TNIK: variants seen among roughly 807,000 people sequenced by gnomAD.
TNIK encodes the protein TRAF2 and NCK interacting kinase, also known as TRAF2 and NCK-interacting protein kinase.
In TNIK, 49 loss-of-function variants were observed where a neutral mutation model predicts 191.3. The observed-to-expected ratio is 0.26, with a 90% CI of 0.20 to 0.32. TNIK has a LOEUF of 0.32. TNIK is among the 10% of genes least tolerant of loss of function. The probability of loss-of-function intolerance (pLI) is 1.00; values close to 1 mark genes in which losing one functional copy is unlikely to be tolerated. For missense variants in TNIK, 1,155 were observed against 1,702.3 expected (o/e 0.68, Z 5.66); for synonymous variants, 594 against 600.9 (o/e 0.99, Z 0.17).
intron 1 of TNIK, among the ~76,000 whole-genome samples, chr3:171,382,365 C>T (rs1190359736): frequency 1.3e-5 from 2 of 151,946 alleles, no homozygotes; most frequent in South Asian, 2.1e-4. Context: ...AGATTACAGG[C>T]GTATGCCACC....
At chr3:171,149,166 C>T (rs2108673030) in intron 12 of TNIK, among the ~76,000 whole-genome samples, 1 of 152,296 alleles carries the variant, frequency 6.6e-6, no homozygotes, top group Admixed American at 6.5e-5. Flanking sequence ...ACTGTGAACA[C>T]ACAAAACATA....
intron 2 of TNIK, among the ~76,000 whole-genome samples, chr3:171,245,464 C>T (rs1346348370): frequency 6.6e-6 from 1 of 151,602 alleles, no homozygotes; most frequent in Non-Finnish European, 1.5e-5. Context: ...AACATTTAAA[C>T]CATAAATTTT....
At chr3:171,209,244 G>A (rs536132370) in intron 4 of TNIK, among the ~76,000 whole-genome samples, 1 of 152,000 alleles carries the variant, frequency 6.6e-6, no homozygotes, top group South Asian at 2.1e-4. Flanking sequence ...GATTTCTATT[G>A]TTAGTAAGAA....
chr3:171,256,970 C>G (rs1310090825), intron 2 of TNIK, among the ~76,000 whole-genome samples: 8 of 152,168 alleles, frequency 5.3e-5, no homozygotes, highest in Admixed American at 4.6e-4. Flanking sequence ...TTCCCTAGGT[C>G]TGAACATCCT....
At chr3:171,375,350 A>T (rs1717067173) in intron 1 of TNIK, among the ~76,000 whole-genome samples, 1 of 152,236 alleles carries the variant, frequency 6.6e-6, no homozygotes, top group Non-Finnish European at 1.5e-5. Flanking sequence ...CAATAAAACT[A>T]ATCTGGCCAG....
rs73046881 is a variant in TNIK at position 171,376,592 on chromosome 3, A to C, written c.58-6907T>G. ...TTAGATCATCATAACGACAAGCAGC[A>C]TATGAGAAAAGGTGCTCCAAGAGTA... is the stretch of plus-strand genomic sequence containing the variant. On this transcript the variant is annotated intron_variant, in intron 1 of 32. Coordinates refer to ENST00000436636, the MANE Select transcript of TNIK (RefSeq NM_015028.4). Among the ~76,000 whole-genome samples the C allele has an allele frequency of 5.4e-3, 826 of 152,290 alleles. 11 individuals are homozygous for C. Among genetic ancestry groups the C allele is most frequent in the African/African-American group, 0.019 (782 of 41,554 alleles).
Position 171,177,240 on chromosome 3 carries a change from T to C in TNIK, c.694+86A>G, listed in dbSNP as rs529981325. On this transcript the variant is annotated intron_variant, in intron 8 of 32. Transcript: ENST00000436636. ...CATGCAGGGCTCGGTGTAGTGGAAG[T>C]AAAGCAACTGCAGCTCCTGGCAAGG... The C allele has an allele frequency of 4.0e-5, 57 of 1,439,728 alleles. No individual in the cohort carries two copies. In the Middle Eastern group the frequency reaches 7.2e-4, roughly 18 times the overall value. The allele number at this position is 1,439,728 out of a possible 1,614,324, so 89.2% of individuals were successfully genotyped here.
intron 25 of TNIK, among the ~76,000 whole-genome samples, 172 bp from the exon 26 acceptor site, chr3:171,084,497 TAA>T (rs909398666): frequency 3.9e-5 from 6 of 152,316 alleles, no homozygotes; most frequent in African/African-American, 1.4e-4. Flanking sequence ...GAATAAAGTC[TAA>T]GTCATTCATC....
Position 171,060,872 on chromosome 3 carries a change from A to C in TNIK, c.*3009T>G, listed in dbSNP as rs1717753475. On this transcript the variant is annotated 3_prime_UTR_variant, in exon 33 of 33. Transcript: ENST00000436636. ...CAGTAGATTTTACTGGATGATTATT[A>C]ATTTAGAGCAGTAAGAACTGGCAGA... Among the ~76,000 whole-genome samples, 1 of 152,140 alleles carries C rather than the reference A, an allele frequency of 6.6e-6. No individual in the cohort carries two copies. Among genetic ancestry groups the C allele is most frequent in the Non-Finnish European group, 1.5e-5 (1 of 68,034 alleles).
intron 12 of TNIK, among the ~76,000 whole-genome samples, chr3:171,141,660 C>T (rs1217059566): frequency 6.6e-6 from 1 of 150,902 alleles, no homozygotes; most frequent in East Asian, 1.9e-4. Context: ...TGCCAAACAT[C>T]CTGTGCAAGG....
chr3:171,188,351 A>C (rs1200950116), intron 7 of TNIK, among the ~76,000 whole-genome samples: 1 of 152,258 alleles, frequency 6.6e-6, no homozygotes, highest in Non-Finnish European at 1.5e-5. Flanking sequence ...ATCTTAGTTT[A>C]ACGTAAAAAG....
At chr3:171,184,874 A>G (rs540752796) in intron 7 of TNIK, among the ~76,000 whole-genome samples, 1 of 152,320 alleles carries the variant, frequency 6.6e-6, no homozygotes, top group South Asian at 2.1e-4. Context: ...GGAGACACCC[A>G]TGTCTGCAAA....
rs553926665 is a variant in TNIK at position 171,294,959 on chromosome 3, T to C, written c.124-66738A>G. On this transcript the variant is annotated intron_variant, in intron 2 of 32. Transcript: ENST00000436636. ...ATTAAGGATGACAAAGTCTCTGCCA[T>C]CTTCAACAGAGATCTCAAGATCACT... Among the ~76,000 whole-genome samples, 7 of 151,490 alleles carry C rather than the reference T, an allele frequency of 4.6e-5. No individual in the cohort carries two copies. In the East Asian group the frequency reaches 1.2e-3, roughly 25 times the overall value.
rs976723363 is a variant in TNIK at position 171,059,707 on chromosome 3, T to G, written c.*4174A>C. On this transcript the variant is annotated 3_prime_UTR_variant, in exon 33 of 33. Coordinates refer to ENST00000436636, the MANE Select transcript of TNIK (RefSeq NM_015028.4). Reference sequence around the variant, plus strand: ...GAGATATAGTGGCATTTATGAGAAATATTAGCAGGTAAATTAAATCAAATT... The same window carrying G: ...GAGATATAGTGGCATTTATGAGAAAGATTAGCAGGTAAATTAAATCAAATT... Among the ~76,000 whole-genome samples the G allele has an allele frequency of 2.6e-5, 4 of 152,328 alleles. No individual in the cohort carries two copies. Among genetic ancestry groups the G allele is most frequent in the Middle Eastern group, 3.4e-3 (1 of 294 alleles).
chr3:171,217,967 C>T (rs1197757273), intron 3 of TNIK, among the ~76,000 whole-genome samples: 2 of 152,002 alleles, frequency 1.3e-5, no homozygotes, highest in African/African-American at 4.8e-5. Flanking sequence ...CTTTTGGTGC[C>T]ATAAAGAGAA....
At chr3:171,161,435 G>A (rs1278100456) in intron 10 of TNIK, 99 bp from the exon 11 acceptor site, 1 of 1,063,906 alleles carries the variant, frequency 9.4e-7, no homozygotes, top group Admixed American at 2.5e-5. Flanking sequence ...CACCCAAAGA[G>A]TTGTAGTTAA....
At chr3:171,182,124 A>ATT (rs1490133162) in intron 7 of TNIK, among the ~76,000 whole-genome samples, 4 of 148,940 alleles carry the variant, frequency 2.7e-5, no homozygotes, top group Admixed American at 6.7e-5. Flanking sequence ...GACCTAGTCA[A>ATT]TTCTGCTGCT....
chr3:171,408,996 G>A (rs368907695), intron 1 of TNIK, among the ~76,000 whole-genome samples: 9 of 151,984 alleles, frequency 5.9e-5, no homozygotes, highest in East Asian at 5.8e-4. Context: ...TAACTATAAA[G>A]CATAGTTCAG....
intron 2 of TNIK, among the ~76,000 whole-genome samples, chr3:171,326,966 A>G (rs565372833): frequency 6.6e-6 from 1 of 152,156 alleles, no homozygotes; most frequent in South Asian, 2.1e-4. Flanking sequence ...TGCCTACCCT[A>G]CTCTGCCCCT....
Sources: allele counts gnomAD v4.1 joint callset (sites outside exome capture counted in the v4.1 genomes callset), GRCh38; gene constraint gnomAD v4.1.1; transcripts MANE v1.5; gene names NCBI Gene and HGNC (gene_info 2026-07-23, HGNC 2026-07-21).